Variants in CFAP299 observed in about 807,000 individuals in gnomAD.
CFAP299 encodes cilia and flagella associated protein 299.
Under a neutral mutation model 27.0 loss-of-function variants are expected in CFAP299, and 21 were observed. The observed-to-expected ratio is 0.78, with a 90% CI of 0.55 to 1.12. The LOEUF is 1.12. Ranked by LOEUF, CFAP299 falls within the 50% of genes most tolerant of loss-of-function variation. The pLI, the probability that CFAP299 is intolerant of heterozygous loss-of-function variation, is 0.00. For missense variants in CFAP299, 310 were observed against 276.6 expected, an observed-to-expected ratio of 1.12 and a Z score of -0.86; for synonymous variants, 104 against 98.1, an observed-to-expected ratio of 1.06 and a Z score of -0.36.
intron 2 of CFAP299, among the ~76,000 whole-genome samples, chr4:80,461,291 A>G (rs771237585): frequency 5.1e-4 from 77 of 152,318 alleles, no homozygotes; most frequent in Middle Eastern, 3.4e-3. Flanking sequence ...GGTTCTCTAC[A>G]GAACGTAGAT....
intron 2 of CFAP299, among the ~76,000 whole-genome samples, chr4:80,479,448 A>T (rs1043579249): frequency 6.6e-6 from 1 of 152,000 alleles, no homozygotes; most frequent in Non-Finnish European, 1.5e-5. Context: ...ATGGTTAAAG[A>T]CAATCAAACT....
intron 1 of CFAP299, among the ~76,000 whole-genome samples, chr4:80,354,833 C>G (rs906933019): frequency 6.6e-6 from 1 of 152,100 alleles, no homozygotes; most frequent in African/African-American, 2.4e-5. Flanking sequence ...CCATCCATTT[C>G]CCTGCAAAGG....
At chr4:80,938,450 G>A (rs953664899) in intron 4 of CFAP299, among the ~76,000 whole-genome samples, 4 of 152,128 alleles carry the variant, frequency 2.6e-5, no homozygotes, top group African/African-American at 9.7e-5. Flanking sequence ...CTAGCCAAAC[G>A]CATCACTTTA....
intron 4 of CFAP299, among the ~76,000 whole-genome samples, chr4:80,897,980 G>T (rs995068923): frequency 1.3e-5 from 2 of 152,170 alleles, no homozygotes; most frequent in Non-Finnish European, 2.9e-5. Flanking sequence ...GCCAGGGCAA[G>T]TGCTTTTGGG....
chr4:80,451,495 T>C (rs973582890), intron 2 of CFAP299, among the ~76,000 whole-genome samples: 10 of 152,232 alleles, frequency 6.6e-5, no homozygotes, highest in African/African-American at 2.2e-4. Context: ...TAAAAATTAA[T>C]TGAGCTTATT....
chr4:80,791,513 C>G (rs1456710734), intron 3 of CFAP299, among the ~76,000 whole-genome samples: 1 of 152,000 alleles, frequency 6.6e-6, no homozygotes, highest in Non-Finnish European at 1.5e-5. Context: ...TGTTGAGATA[C>G]AGCACATTTT....
chr4:80,518,817 T>C (rs1056227579), intron 2 of CFAP299, among the ~76,000 whole-genome samples: 11 of 152,150 alleles, frequency 7.2e-5, no homozygotes, highest in African/African-American at 2.7e-4. Flanking sequence ...ATGGCTTGCC[T>C]GGGTTGGCAT....
chr4:80,323,787 T>C, the CFAP299 span, among the ~76,000 whole-genome samples: 17 of 152,324 alleles, frequency 1.1e-4, no homozygotes, highest in African/African-American at 4.1e-4. Flanking sequence ...TTATTTCTAA[T>C]TACTTATATT....
At chr4:80,504,460 CACATATATATAT>C (rs1370357706) in intron 2 of CFAP299, among the ~76,000 whole-genome samples, 32 of 44,320 alleles carry the variant, frequency 7.2e-4, no homozygotes, top group Non-Finnish European at 9.7e-4. Flanking sequence ...CTTAAAATCT[CACATATATATAT>C]ATATATATAT....
At chr4:80,913,542 G>T (rs1039920089) in intron 4 of CFAP299, among the ~76,000 whole-genome samples, 1 of 152,144 alleles carries the variant, frequency 6.6e-6, no homozygotes, top group Non-Finnish European at 1.5e-5. Flanking sequence ...TAAGCATCCA[G>T]TTTGGTGGTG....
In CFAP299 at chr4:80,335,784, G is replaced by A; in HGVS notation, c.16G>A (p.Gly6Arg). MDQEE[G>R]LKALDNIVTQ... Reference sequence around the variant, plus strand: ...GGATACCGCAATGGATCAGGAAGAGGGGCTGAAGGCCTTGGACAATATTGT... The same window carrying A: ...GGATACCGCAATGGATCAGGAAGAGAGGCTGAAGGCCTTGGACAATATTGT... The change falls in exon 1 of 6, where the codon GGG (glycine) becomes AGG (arginine). Residue 6 changes from glycine to arginine, a missense_variant. Gly to Arg is a moderately radical substitution (Grantham distance 125). Transcript: ENST00000358105. 1 of 1,612,190 alleles carries A rather than the reference G, an allele frequency of 6.2e-7. No homozygotes were observed. The highest frequency in any genetic ancestry group is 8.5e-7 in the Non-Finnish European group (1 of 1,178,228).
chr4:80,490,602 T>C (rs1731068449), intron 2 of CFAP299, among the ~76,000 whole-genome samples: 1 of 152,228 alleles, frequency 6.6e-6, no homozygotes, highest in African/African-American at 2.4e-5. Context: ...ATTATTCTTG[T>C]AGAAATAGTA....
intron 3 of CFAP299, among the ~76,000 whole-genome samples, chr4:80,818,969 C>T (rs1386809613): frequency 6.6e-6 from 1 of 151,932 alleles, no homozygotes; most frequent in Admixed American, 6.6e-5. Context: ...ATAGTGTATG[C>T]ATGTAACTCA....
At position 80,340,560 on chromosome 4, in the gene CFAP299, G is replaced by A. The variant is rs376002492; in HGVS notation, c.111+4681G>A. On this transcript the variant is annotated intron_variant, in intron 1 of 5. Coordinates refer to ENST00000358105, the MANE Select transcript of CFAP299 (RefSeq NM_152770.3). ...GCACCTCACAAGCTAAGACCCACTC[G>A]CTTAGAATTCCAGTTGGCTAGTGCA... Among the ~76,000 whole-genome samples the A allele has an allele frequency of 5.6e-4, 86 of 152,266 alleles. 1 individual carries two copies. The South Asian group carries it at 0.017, about 30-fold the overall frequency.
At chr4:80,898,067 G>A (rs1734698465) in intron 4 of CFAP299, among the ~76,000 whole-genome samples, 2 of 152,150 alleles carry the variant, frequency 1.3e-5, no homozygotes, top group Non-Finnish European at 1.5e-5. Context: ...AAGCTCCAGA[G>A]GAAGTGTTAC....
chr4:80,560,140 G>A (rs935655364), intron 2 of CFAP299, among the ~76,000 whole-genome samples: 4 of 152,010 alleles, frequency 2.6e-5, no homozygotes, highest in African/African-American at 9.7e-5. Context: ...TACCAGCTCA[G>A]CCACAGGACA....
chr4:80,665,549 ATG>A (rs1422687180), intron 3 of CFAP299, among the ~76,000 whole-genome samples: 8 of 151,936 alleles, frequency 5.3e-5, no homozygotes, highest in African/African-American at 1.9e-4. Flanking sequence ...CATTCTCTAG[ATG>A]TGTCTTATTA....
At chr4:80,570,044 G>T (rs1200161625) in intron 2 of CFAP299, among the ~76,000 whole-genome samples, 1 of 151,914 alleles carries the variant, frequency 6.6e-6, no homozygotes, top group Non-Finnish European at 1.5e-5. Context: ...TATCATAAAT[G>T]CTCAGTCATT....
chr4:80,388,572 C>G, intron 2 of CFAP299: 1 of 1,426,090 alleles, frequency 7.0e-7, no homozygotes, highest in South Asian at 1.1e-5. Context: ...ACATCCTCAT[C>G]ATCCAATGGC....
Sources: gnomAD v4.1 joint callset for allele counts (sites outside exome capture counted in the v4.1 genomes callset) on GRCh38, gnomAD v4.1.1 for gene constraint, MANE v1.5 for transcripts, NCBI Gene and HGNC (gene_info 2026-07-23, HGNC 2026-07-21) for gene names.